The following TLN2 variants were observed in gnomAD, a reference collection of about 807,000 sequenced individuals.
The protein encoded by TLN2 is talin-2.
TLN2 carries 118 observed loss-of-function variants against 294.7 expected under a neutral mutation model. The ratio of observed to expected loss-of-function variants is 0.40; its 90% CI spans 0.34 to 0.47. The LOEUF is 0.47. Ranked by LOEUF, TLN2 falls within the 20% of genes least tolerant of loss-of-function variation. TLN2 has a pLI of 0.84. For synonymous variants in TLN2, 1,431 were observed against 1,304.5 expected, an observed-to-expected ratio of 1.10 and a Z score of -2.09; for missense variants, 3,083 against 3,282.2, an observed-to-expected ratio of 0.94 and a Z score of 1.48.
chr15:62,527,606 C>G (rs2040810873), intron 1 of TLN2, among the ~76,000 whole-genome samples: 1 of 152,180 alleles, frequency 6.6e-6, no homozygotes, highest in Admixed American at 6.5e-5. Flanking sequence ...CAGAAAATGT[C>G]TTTCATGTCA....
chr15:62,473,546 T>C (rs2037611209), intron 1 of TLN2, among the ~76,000 whole-genome samples: 1 of 152,238 alleles, frequency 6.6e-6, no homozygotes, highest in Admixed American at 6.5e-5. Context: ...CTAAACAATG[T>C]ATGCTTTTGC....
At chr15:62,819,435 A>T in intron 52 of TLN2, 81 bp from the exon 53 acceptor site, 1 of 1,202,346 alleles carries the variant, frequency 8.3e-7, no homozygotes, top group Non-Finnish European at 1.2e-6. Context: ...CTGACTCCAC[A>T]TCCAGCAAGA....
intron 1 of TLN2, among the ~76,000 whole-genome samples, chr15:62,425,515 C>T (rs541290976): frequency 3.3e-5 from 5 of 152,238 alleles, no homozygotes; most frequent in Admixed American, 2.0e-4. Context: ...CACGGAGCTG[C>T]GTGGATTTTT....
chr15:62,822,159 G>A (rs1262198928), intron 54 of TLN2, among the ~76,000 whole-genome samples: 3 of 152,092 alleles, frequency 2.0e-5, no homozygotes, highest in Non-Finnish European at 2.9e-5. Flanking sequence ...GTTTCCCCGT[G>A]TCTGGTCGTT....
chr15:62,677,329 C>A (rs984983103), intron 11 of TLN2, among the ~76,000 whole-genome samples: 1 of 152,210 alleles, frequency 6.6e-6, no homozygotes, highest in Admixed American at 6.5e-5. Context: ...TCATCTCTTG[C>A]ATTCAGATCA....
chr15:62,753,729 A>G, intron 35 of TLN2, 44 bp from the exon 36 acceptor site: 1 of 1,560,346 alleles, frequency 6.4e-7, no homozygotes, highest in Non-Finnish European at 8.7e-7. Context: ...AGGCTCACCT[A>G]GGAGCACGGA....
chr15:62,647,531 G>A (rs763128171), intron 4 of TLN2, 85 bp downstream of exon 4: 244 of 1,578,228 alleles, frequency 1.5e-4, no homozygotes, highest in Non-Finnish European at 1.9e-4. Flanking sequence ...GCTCCAAGTG[G>A]TACACAAGCC....
At chr15:62,455,916 G>A (rs911254785) in intron 1 of TLN2, among the ~76,000 whole-genome samples, 4 of 152,182 alleles carry the variant, frequency 2.6e-5, no homozygotes, top group African/African-American at 7.2e-5. Context: ...GGTGCAGGGC[G>A]TCTGGCTGAC....
chr15:62,785,388 T>C (rs1488730541), intron 45 of TLN2, among the ~76,000 whole-genome samples: 2 of 152,232 alleles, frequency 1.3e-5, no homozygotes, highest in East Asian at 3.8e-4. Flanking sequence ...AAAAGTGGGC[T>C]GGGCGTGATG....
chr15:62,471,648 AC>A (rs1193252910), intron 1 of TLN2, among the ~76,000 whole-genome samples: 1 of 151,982 alleles, frequency 6.6e-6, no homozygotes, highest in Non-Finnish European at 1.5e-5. Flanking sequence ...TTCTGCTGAC[AC>A]CCCAGCCCCT....
intron 2 of TLN2, among the ~76,000 whole-genome samples, chr15:62,593,461 T>A (rs748597195): frequency 6.6e-6 from 1 of 152,256 alleles, no homozygotes; most frequent in Admixed American, 6.5e-5. Flanking sequence ...TAATAGGGTA[T>A]GCTGTTTCCA....
chr15:62,693,289 G>A (rs1040835587), intron 13 of TLN2, among the ~76,000 whole-genome samples: 6 of 152,132 alleles, frequency 3.9e-5, no homozygotes, highest in Non-Finnish European at 8.8e-5. Context: ...CTGAGATCAC[G>A]CCACTGTACT....
chr15:62,740,599 C>T, intron 31 of TLN2, 31 bp from the exon 32 acceptor site: 1 of 1,613,522 alleles, frequency 6.2e-7, no homozygotes, highest in Non-Finnish European at 8.5e-7. Flanking sequence ...TGGACAGGCC[C>T]TAATAGCTCC....
chr15:62,454,891 C>T (rs566033110), intron 1 of TLN2, among the ~76,000 whole-genome samples: 5 of 152,224 alleles, frequency 3.3e-5, no homozygotes, highest in African/African-American at 4.8e-5. Context: ...CCTGTGACAT[C>T]GGGGCAGGTG....
At position 62,816,822 on chromosome 15, in the gene TLN2, T is replaced by G. The variant is rs148228961; in HGVS notation, c.6772-2694T>G. Among the ~76,000 whole-genome samples the G allele has an allele frequency of 3.2e-3, 482 of 152,284 alleles. 2 individuals carry two copies. Among genetic ancestry groups the G allele is most frequent in the Middle Eastern group, 0.024 (7 of 294 alleles). ...TACTGAGATCCTGAGCCATAACTATTAATAACCTGGTAGTCGTACAGCATA... is the reference window on the plus strand; with the variant it reads ...TACTGAGATCCTGAGCCATAACTATGAATAACCTGGTAGTCGTACAGCATA... On this transcript the variant is annotated intron_variant, in intron 52 of 58. Coordinates refer to ENST00000636159, the MANE Select transcript of TLN2 (RefSeq NM_015059.3).
At chr15:62,530,810 T>A (rs889629778) in intron 1 of TLN2, among the ~76,000 whole-genome samples, 1 of 152,246 alleles carries the variant, frequency 6.6e-6, no homozygotes, top group African/African-American at 2.4e-5. Flanking sequence ...GTATCTTTTT[T>A]AATTTTGCAT....
At chr15:62,437,830 C>T (rs534941858) in intron 1 of TLN2, among the ~76,000 whole-genome samples, 19 of 152,050 alleles carry the variant, frequency 1.2e-4, no homozygotes, top group African/African-American at 4.3e-4. Context: ...GCTATATTTT[C>T]CCCTTGAAAT....
At chr15:62,478,280 A>G (rs1264996852) in intron 1 of TLN2, among the ~76,000 whole-genome samples, 1 of 152,186 alleles carries the variant, frequency 6.6e-6, no homozygotes, top group African/African-American at 2.4e-5. Flanking sequence ...CCCCTGCATC[A>G]TGACTAGAAG....
At chr15:62,840,392 G>T in intron 58 of TLN2, 90 bp from the exon 59 acceptor site, 13 of 1,531,058 alleles carry the variant, frequency 8.5e-6, no homozygotes, top group African/African-American at 1.4e-5. Context: ...CCACGGTCGC[G>T]GGAGCCGTGG....
Sources: gnomAD v4.1 joint callset for allele counts (sites outside exome capture counted in the v4.1 genomes callset) on GRCh38, gnomAD v4.1.1 for gene constraint, MANE v1.5 for transcripts, NCBI Gene and HGNC (gene_info 2026-07-23, HGNC 2026-07-21) for gene names.